LCLAT1: variants seen among roughly 807,000 people sequenced by gnomAD.
LCLAT1 encodes 1-AGP acyltransferase 8.
LCLAT1 carries 11 observed loss-of-function variants against 30.7 expected under a neutral mutation model. The ratio of observed to expected loss-of-function variants is 0.36; its 90% CI spans 0.23 to 0.59. The LOEUF is 0.59. LCLAT1 is among the 20% of genes least tolerant of loss of function. The pLI, the probability that LCLAT1 is intolerant of heterozygous loss-of-function variation, is 0.77. For missense variants in LCLAT1, 402 were observed against 458.6 expected (o/e 0.88, Z 1.13); for synonymous variants, 155 against 151.3 (o/e 1.02, Z -0.18).
chr2:30,596,748 T>C (rs1357224293), intron 5 of LCLAT1, among the ~76,000 whole-genome samples: 1 of 145,660 alleles, frequency 6.9e-6, no homozygotes. Flanking sequence ...ATTGCCTAGA[T>C]TTTTTTCTAG....
chr2:30,479,462 G>T (rs1683220162), intron 1 of LCLAT1, among the ~76,000 whole-genome samples: 1 of 152,108 alleles, frequency 6.6e-6, no homozygotes, highest in African/African-American at 2.4e-5. Context: ...ACCCAGGCTG[G>T]TCTAGAACTC....
intron 1 of LCLAT1, among the ~76,000 whole-genome samples, chr2:30,486,515 T>C (rs1284680340): frequency 6.6e-6 from 1 of 152,174 alleles, no homozygotes; most frequent in African/African-American, 2.4e-5. Flanking sequence ...ACTCTTCCAG[T>C]GTACTGTTAC....
chr2:30,521,137 T>C (rs829629), intron 1 of LCLAT1, among the ~76,000 whole-genome samples: 123,616 of 152,174 alleles, frequency 0.81, 50,452 homozygotes, highest in East Asian at 0.94. Context: ...CTGCTACACT[T>C]CCACCAGCAC....
intron 1 of LCLAT1, among the ~76,000 whole-genome samples, chr2:30,483,067 C>T (rs918407400): frequency 6.6e-6 from 1 of 152,076 alleles, no homozygotes; most frequent in Non-Finnish European, 1.5e-5. Context: ...TAAATTTGGA[C>T]TTTAGTTAAT....
Position 30,604,325 on chromosome 2 carries a change from G to A in LCLAT1, c.629-35792G>A, listed in dbSNP as rs1485851272. 2.0e-5 allele frequency among the ~76,000 whole-genome samples: 3 copies of A among 148,048 alleles called. No homozygotes were observed. In the East Asian group the frequency reaches 6.0e-4, roughly 30 times the overall value. ...CTTAGAGAAAAGACGACTAAGAGAA[G>A]ATTTGACAGCTGTCTAGCTGTCTAG... On this transcript the variant is annotated intron_variant, in intron 5 of 5. Coordinates refer to ENST00000379509, the MANE Select transcript of LCLAT1 (RefSeq NM_001002257.3).
intron 1 of LCLAT1, among the ~76,000 whole-genome samples, chr2:30,500,536 C>A (rs959229075): frequency 1.3e-5 from 2 of 152,160 alleles, no homozygotes; most frequent in Non-Finnish European, 2.9e-5. Context: ...TGCCTTAACT[C>A]TTTCTAGTTA....
chr2:30,560,452 G>A (rs931465519), intron 3 of LCLAT1, among the ~76,000 whole-genome samples: 2 of 151,884 alleles, frequency 1.3e-5, no homozygotes, highest in Admixed American at 6.6e-5. Flanking sequence ...AGTTCTCCCC[G>A]CTCAGCCTCC....
At chr2:30,565,370 T>C (rs1287148423) in intron 4 of LCLAT1, among the ~76,000 whole-genome samples, 1 of 152,192 alleles carries the variant, frequency 6.6e-6, no homozygotes, top group Admixed American at 6.5e-5. Context: ...CCTGATTTGA[T>C]GGGGCCTACT....
intron 5 of LCLAT1, among the ~76,000 whole-genome samples, chr2:30,579,324 GTTTATA>G (rs1372289736): frequency 6.6e-6 from 1 of 152,096 alleles, no homozygotes; most frequent in East Asian, 1.9e-4. Context: ...CATTAAAGGT[GTTTATA>G]TTTAAGTATT....
intron 1 of LCLAT1, among the ~76,000 whole-genome samples, chr2:30,479,447 A>C (rs1285538577): frequency 6.6e-6 from 1 of 152,100 alleles, no homozygotes; most frequent in African/African-American, 2.4e-5. Flanking sequence ...GGATCTCAGC[A>C]TGTTACCCAG....
chr2:30,505,072 A>G (rs1220775887), intron 1 of LCLAT1, among the ~76,000 whole-genome samples: 1 of 152,150 alleles, frequency 6.6e-6, no homozygotes, highest in Non-Finnish European at 1.5e-5. Context: ...GATGTACCAT[A>G]GTTAATTTAG....
intron 4 of LCLAT1, among the ~76,000 whole-genome samples, chr2:30,563,695 A>C (rs530476018): frequency 6.6e-6 from 1 of 152,254 alleles, no homozygotes; most frequent in East Asian, 1.9e-4. Context: ...TTAAGAGAGG[A>C]GAACAGGTAA....
At chr2:30,482,930 C>T (rs914564273) in intron 1 of LCLAT1, among the ~76,000 whole-genome samples, 11 of 151,990 alleles carry the variant, frequency 7.2e-5, no homozygotes, top group African/African-American at 2.7e-4. Flanking sequence ...TCATCAAAAG[C>T]AAGGAAAGTC....
At chr2:30,574,144 A>G (rs1482334032) in intron 5 of LCLAT1, among the ~76,000 whole-genome samples, 1 of 152,068 alleles carries the variant, frequency 6.6e-6, no homozygotes, top group Non-Finnish European at 1.5e-5. Flanking sequence ...CTCTGTCTCA[A>G]AAAAATAATA....
intron 5 of LCLAT1, among the ~76,000 whole-genome samples, chr2:30,596,080 T>A (rs1666917060): frequency 1.3e-5 from 2 of 152,206 alleles, no homozygotes; most frequent in South Asian, 4.1e-4. Flanking sequence ...CTATTGTGAC[T>A]AGTGCTGCAG....
intron 3 of LCLAT1, among the ~76,000 whole-genome samples, chr2:30,534,283 C>T (rs75773537): frequency 0.075 from 10,620 of 141,552 alleles, 416 homozygotes; most frequent in Middle Eastern, 0.1. Flanking sequence ...GTTTGGGAGA[C>T]GGAGTCTCTC....
intron 1 of LCLAT1, among the ~76,000 whole-genome samples, chr2:30,452,413 A>G (rs1167105718): frequency 6.6e-6 from 1 of 151,604 alleles, no homozygotes. Context: ...AATGACTTTT[A>G]TATAATTGTT....
chr2:30,618,076 T>C (rs1345799803), intron 5 of LCLAT1, among the ~76,000 whole-genome samples: 1 of 152,140 alleles, frequency 6.6e-6, no homozygotes, highest in Non-Finnish European at 1.5e-5. Context: ...GTCACAAAGA[T>C]TTTCTGTGTT....
chr2:30,604,424 A>G lies in LCLAT1; in HGVS notation c.629-35693A>G, dbSNP rs1267178665. On this transcript the variant is annotated intron_variant, in intron 5 of 5. Coordinates refer to ENST00000379509, the MANE Select transcript of LCLAT1 (RefSeq NM_001002257.3). The stretch of plus-strand genomic sequence containing the variant: ...GTAAATATTTTAGGCTGTGCAGGCC[A>G]TATGGTCGCTTTCCAAACTACTTAA... Among the ~76,000 whole-genome samples the G allele has an allele frequency of 2.6e-5, 4 of 152,294 alleles. 1 individual carries two copies. Among genetic ancestry groups the G allele is most frequent in the Non-Finnish European group, 2.9e-5 (2 of 68,024 alleles).
Sources: allele counts gnomAD v4.1 joint callset (sites outside exome capture counted in the v4.1 genomes callset), GRCh38; gene constraint gnomAD v4.1.1; transcripts MANE v1.5; gene names NCBI Gene and HGNC (gene_info 2026-07-23, HGNC 2026-07-21).